The following HHAT variants were observed in gnomAD, a reference collection of about 807,000 sequenced individuals.
HHAT encodes protein-cysteine N-palmitoyltransferase HHAT.
In HHAT, 47 loss-of-function variants were observed where a neutral mutation model predicts 70.8. That is an observed-to-expected ratio of 0.66 (90% CI 0.53 to 0.85). The LOEUF (loss-of-function observed/expected upper bound fraction) is 0.85, where lower values mean the gene tolerates loss of function less well. Ranked by LOEUF, HHAT falls within the 40% of genes least tolerant of loss-of-function variation. HHAT has a pLI of 0.00. For synonymous variants in HHAT, 228 were observed against 247.6 expected, an observed-to-expected ratio of 0.92 and a Z score of 0.74; for missense variants, 609 against 604.8, an observed-to-expected ratio of 1.01 and a Z score of -0.07.
chr1:210,495,301 A>G (rs940448812), intron 8 of HHAT, among the ~76,000 whole-genome samples: 10 of 151,484 alleles, frequency 6.6e-5, no homozygotes, highest in African/African-American at 2.4e-4. Flanking sequence ...ATATTACAAA[A>G]TTTATATAAT....
chr1:210,667,498 A>G (rs1679170860), intron 11 of HHAT, among the ~76,000 whole-genome samples: 1 of 152,226 alleles, frequency 6.6e-6, no homozygotes, highest in Non-Finnish European at 1.5e-5. Context: ...AATGCTGCAA[A>G]TCTATGATTT....
intron 11 of HHAT, among the ~76,000 whole-genome samples, chr1:210,670,121 T>C (rs566539583): frequency 3.9e-5 from 6 of 152,326 alleles, no homozygotes; most frequent in Admixed American, 2.6e-4. Context: ...CTGTGTACCA[T>C]AGCAGCCCTT....
chr1:210,578,670 A>G (rs1658472679), intron 9 of HHAT, among the ~76,000 whole-genome samples: 1 of 152,254 alleles, frequency 6.6e-6, no homozygotes, highest in Non-Finnish European at 1.5e-5. Flanking sequence ...GCCAGTTGCA[A>G]CATCGTGAAT....
chr1:210,558,572 A>G (rs932127516), intron 9 of HHAT, among the ~76,000 whole-genome samples: 9 of 152,246 alleles, frequency 5.9e-5, no homozygotes, highest in Non-Finnish European at 1.3e-4. Context: ...TGCTTTCCAC[A>G]GGCAGGAAAT....
chr1:210,459,520 A>T (rs2093937100), intron 7 of HHAT, among the ~76,000 whole-genome samples: 1 of 152,190 alleles, frequency 6.6e-6, no homozygotes, highest in Non-Finnish European at 1.5e-5. Context: ...AAGGACAGAC[A>T]GATCATAAGA....
intron 7 of HHAT, among the ~76,000 whole-genome samples, chr1:210,438,109 C>G (rs577599951): frequency 2.0e-5 from 3 of 151,896 alleles, no homozygotes; most frequent in African/African-American, 7.3e-5. Flanking sequence ...TAGCAGGAGT[C>G]AGCATATTGG....
At chr1:210,612,386 A>G (rs1464999639) in intron 10 of HHAT, among the ~76,000 whole-genome samples, 5 of 152,184 alleles carry the variant, frequency 3.3e-5, no homozygotes, top group Non-Finnish European at 7.3e-5. Context: ...GGTATCTTAT[A>G]TAAATGCAAC....
intron 8 of HHAT, among the ~76,000 whole-genome samples, chr1:210,501,929 T>C (rs771625792): frequency 5.9e-5 from 9 of 152,026 alleles, no homozygotes; most frequent in Non-Finnish European, 1.0e-4. Flanking sequence ...ATTGGATGCC[T>C]TAATTTTGTT....
chr1:210,674,293 C>T lies in HHAT; in HGVS notation c.1396C>T (p.Pro466Ser), dbSNP rs1162782214. Residue 466 changes from proline (P) to serine (S), a missense_variant, in exon 12 of 12, where the codon CCT becomes TCT. Physicochemically the swap from Pro to Ser is moderately conservative, Grantham distance 74. Transcript: ENST00000261458. ...YWNRIFIQGW[P>S]WVTLSVLGFL... is the part of the protein sequence containing the mutation. ...TCTCTGTCCTCCCTCTGCAGGCTGGCCTTGGGTGACCCTCTCTGTCCTGGG... is the reference window on the plus strand; with the variant it reads ...TCTCTGTCCTCCCTCTGCAGGCTGGTCTTGGGTGACCCTCTCTGTCCTGGG... The T allele has an allele frequency of 3.7e-6, 6 of 1,613,802 alleles. No individual in the cohort carries two copies. In the East Asian group the frequency reaches 6.7e-5, roughly 18 times the overall value.
At chr1:210,530,348 G>T (rs1375211764) in intron 9 of HHAT, among the ~76,000 whole-genome samples, 1 of 152,044 alleles carries the variant, frequency 6.6e-6, no homozygotes, top group African/African-American at 2.4e-5. Flanking sequence ...AGGGTAACAT[G>T]AGTAAAGGGG....
chr1:210,516,063 C>T (rs2095051408), intron 9 of HHAT, among the ~76,000 whole-genome samples: 1 of 142,228 alleles, frequency 7.0e-6, no homozygotes. Flanking sequence ...GAGTAAGACT[C>T]TGTCTCAAAA....
intron 9 of HHAT, among the ~76,000 whole-genome samples, chr1:210,515,466 A>C (rs565927108): frequency 4.5e-4 from 68 of 152,200 alleles, no homozygotes; most frequent in Non-Finnish European, 7.1e-4. Flanking sequence ...TCAGAAAGTG[A>C]GTATTTTCAG....
intron 6 of HHAT, among the ~76,000 whole-genome samples, chr1:210,405,100 A>C (rs1170921277): frequency 2.0e-5 from 3 of 152,248 alleles, no homozygotes; most frequent in Non-Finnish European, 4.4e-5. Flanking sequence ...TATATTCACA[A>C]GCTGCTTAAG....
chr1:210,342,679 A>T (rs565622086), intron 1 of HHAT, among the ~76,000 whole-genome samples: 2 of 152,314 alleles, frequency 1.3e-5, no homozygotes, highest in African/African-American at 4.8e-5. Flanking sequence ...TCACTTACAC[A>T]TTTGAGTAAG....
chr1:210,414,770 C>T (rs893605024), intron 6 of HHAT, among the ~76,000 whole-genome samples: 15 of 152,222 alleles, frequency 9.9e-5, no homozygotes, highest in African/African-American at 3.1e-4. Flanking sequence ...GTAATCCTAG[C>T]GCTTTGGGAG....
At chr1:210,342,824 C>T (rs1355629508) in intron 1 of HHAT, among the ~76,000 whole-genome samples, 1 of 152,088 alleles carries the variant, frequency 6.6e-6, no homozygotes, top group Non-Finnish European at 1.5e-5. Context: ...TAAAAAGGTT[C>T]CAGTTATATT....
At chr1:210,662,674 T>C (rs967028346) in intron 11 of HHAT, among the ~76,000 whole-genome samples, 1 of 151,978 alleles carries the variant, frequency 6.6e-6, no homozygotes, top group African/African-American at 2.4e-5. Context: ...TTGTTTTTTT[T>C]CAGCACCCCT....
At chr1:210,592,879 C>CTTTTT (rs35245794) in intron 10 of HHAT, among the ~76,000 whole-genome samples, 1 of 145,446 alleles carries the variant, frequency 6.9e-6, no homozygotes, top group Non-Finnish European at 1.5e-5. Flanking sequence ...ACCAACTTTT[C>CTTTTT]TTTTTTTTTT....
At chr1:210,426,486 A>G (rs2093065572) in intron 7 of HHAT, among the ~76,000 whole-genome samples, 1 of 152,094 alleles carries the variant, frequency 6.6e-6, no homozygotes, top group African/African-American at 2.4e-5. Flanking sequence ...TTTGTCATAG[A>G]TGGCTTTTAT....
Sources: gnomAD v4.1 joint callset for allele counts (sites outside exome capture counted in the v4.1 genomes callset) on GRCh38, gnomAD v4.1.1 for gene constraint, MANE v1.5 for transcripts, NCBI Gene and HGNC (gene_info 2026-07-23, HGNC 2026-07-21) for gene names.